Variants in PEX7 observed in about 807,000 individuals in gnomAD.
PEX7 encodes the protein peroxisomal biogenesis factor 7.
Under a neutral mutation model 47.5 loss-of-function variants are expected in PEX7, and 34 were observed. The ratio of observed to expected loss-of-function variants is 0.72; its 90% CI spans 0.54 to 0.95. The LOEUF is 0.95. PEX7 is among the 40% of genes least tolerant of loss of function. PEX7 has a pLI of 0.00. For missense variants in PEX7, 394 were observed against 400.3 expected, an observed-to-expected ratio of 0.98 and a Z score of 0.13; for synonymous variants, 141 against 148.8, an observed-to-expected ratio of 0.95 and a Z score of 0.38.
chr6:136,888,520 A>T (rs1775505323), intron 8 of PEX7, among the ~76,000 whole-genome samples: 1 of 152,118 alleles, frequency 6.6e-6, no homozygotes, highest in Non-Finnish European at 1.5e-5. Context: ...AAGCATCTTA[A>T]TGTAGTCATC....
At chr6:136,845,542 ATG>A in intron 3 of PEX7, 71 bp from the exon 4 acceptor site, 2 of 847,688 alleles carry the variant, frequency 2.4e-6, no homozygotes, top group East Asian at 2.4e-5. Flanking sequence ...TCTCATTGTT[ATG>A]TAACAAGAGA....
At chr6:136,860,691 G>A (rs1189910088) in intron 5 of PEX7, among the ~76,000 whole-genome samples, 1 of 151,634 alleles carries the variant, frequency 6.6e-6, no homozygotes. Flanking sequence ...AAAGAAAGTG[G>A]TGGTGTGGAA....
intron 8 of PEX7, among the ~76,000 whole-genome samples, chr6:136,885,588 C>T (rs777082473): frequency 1.3e-5 from 2 of 152,124 alleles, no homozygotes; most frequent in Non-Finnish European, 2.9e-5. Flanking sequence ...GGCATATTTA[C>T]AGAATGTCTG....
chr6:136,837,087 A>G (rs968423479), intron 3 of PEX7, among the ~76,000 whole-genome samples: 1 of 152,150 alleles, frequency 6.6e-6, no homozygotes, highest in African/African-American at 2.4e-5. Flanking sequence ...TGAAAGTTTT[A>G]GCCGCGCTTA....
rs150576107 is a variant in PEX7, at chr6:136,850,640, G to C, written c.526+4459G>C. Among the ~76,000 whole-genome samples, 5 of 152,286 alleles carry C rather than the reference G, an allele frequency of 3.3e-5. No individual in the cohort carries two copies. In the East Asian group the frequency reaches 9.6e-4, roughly 29 times the overall value. On this transcript the variant is annotated intron_variant, in intron 5 of 9. Coordinates refer to ENST00000318471, the MANE Select transcript of PEX7 (RefSeq NM_000288.4). ...CAAGGACAAATTCATGGATGGTAAT[G>C]TTATAACTGAGATATGATACATGTT...
intron 9 of PEX7, among the ~76,000 whole-genome samples, chr6:136,899,140 G>T (rs1293378380): frequency 7.1e-6 from 1 of 140,890 alleles, no homozygotes; most frequent in Non-Finnish European, 1.5e-5. Flanking sequence ...GAGTGCAGTG[G>T]TGCAATCTTG....
intron 6 of PEX7, among the ~76,000 whole-genome samples, chr6:136,867,718 A>G (rs1243774127): frequency 2.0e-5 from 3 of 152,022 alleles, no homozygotes; most frequent in African/African-American, 7.2e-5. Context: ...CAGAGGCTGC[A>G]GTGAGCCAAG....
intron 9 of PEX7, among the ~76,000 whole-genome samples, chr6:136,912,694 G>C (rs1212441727): frequency 1.3e-5 from 2 of 152,108 alleles, no homozygotes; most frequent in African/African-American, 4.8e-5. Flanking sequence ...TTTTGGCTAA[G>C]TCCTGGCATT....
At chr6:136,875,467 A>C (rs1360902513) in intron 8 of PEX7, among the ~76,000 whole-genome samples, 1 of 152,246 alleles carries the variant, frequency 6.6e-6, no homozygotes, top group Non-Finnish European at 1.5e-5. Flanking sequence ...AACTTAAAAA[A>C]ATTTGTTAAT....
chr6:136,910,678 C>A (rs1775919272), intron 9 of PEX7, among the ~76,000 whole-genome samples: 1 of 152,040 alleles, frequency 6.6e-6, no homozygotes, highest in Non-Finnish European at 1.5e-5. Flanking sequence ...TAGTGATAGC[C>A]AAGAAATTAC....
chr6:136,834,008 A>C (rs181037077), intron 3 of PEX7, among the ~76,000 whole-genome samples: 2 of 152,336 alleles, frequency 1.3e-5, no homozygotes, highest in Admixed American at 1.3e-4. Flanking sequence ...GTAAATTAAA[A>C]AACAACAACA....
At chr6:136,841,373 A>G (rs1310751955) in intron 3 of PEX7, among the ~76,000 whole-genome samples, 1 of 152,166 alleles carries the variant, frequency 6.6e-6, no homozygotes, top group Non-Finnish European at 1.5e-5. Flanking sequence ...CCTTGGTGTT[A>G]TCTTGCAGTG....
At chr6:136,892,172 G>A (rs765414469) in intron 8 of PEX7, among the ~76,000 whole-genome samples, 1 of 152,176 alleles carries the variant, frequency 6.6e-6, no homozygotes, top group Non-Finnish European at 1.5e-5. Flanking sequence ...TAGTTCAGAT[G>A]TATTCTGGCT....
At chr6:136,903,709 G>A (rs1015510347) in intron 9 of PEX7, among the ~76,000 whole-genome samples, 1 of 151,930 alleles carries the variant, frequency 6.6e-6, no homozygotes, top group African/African-American at 2.4e-5. Context: ...CACACAGGCT[G>A]GAATGCAGTG....
chr6:136,835,899 A>G (rs998975301), intron 3 of PEX7, among the ~76,000 whole-genome samples: 1 of 152,256 alleles, frequency 6.6e-6, no homozygotes, highest in Non-Finnish European at 1.5e-5. Context: ...AGAGAAAATG[A>G]TAGTTTTAAA....
At chr6:136,883,479 C>T (rs1420465893) in intron 8 of PEX7, among the ~76,000 whole-genome samples, 1 of 152,190 alleles carries the variant, frequency 6.6e-6, no homozygotes, top group Non-Finnish European at 1.5e-5. Flanking sequence ...TCTGGAAACT[C>T]CTTATCCTAA....
intron 2 of PEX7, among the ~76,000 whole-genome samples, chr6:136,825,871 C>T (rs1774180326): frequency 6.6e-6 from 1 of 152,038 alleles, no homozygotes; most frequent in African/African-American, 2.4e-5. Context: ...GTCCCAGCTA[C>T]TTGGGAAGCT....
At chr6:136,873,754 G>A (rs1449331904) in intron 8 of PEX7, among the ~76,000 whole-genome samples, 6 of 152,116 alleles carry the variant, frequency 3.9e-5, no homozygotes, top group Non-Finnish European at 7.4e-5. Context: ...TGACTTTAAT[G>A]CAAATTATAT....
intron 1 of PEX7, among the ~76,000 whole-genome samples, chr6:136,823,796 A>C (rs1181231686): frequency 6.6e-6 from 1 of 152,106 alleles, no homozygotes; most frequent in Non-Finnish European, 1.5e-5. Flanking sequence ...AGGCTGAGGT[A>C]AGAGAATAGT....
Sources: allele counts gnomAD v4.1 joint callset (sites outside exome capture counted in the v4.1 genomes callset), GRCh38; gene constraint gnomAD v4.1.1; transcripts MANE v1.5; gene names NCBI Gene and HGNC (gene_info 2026-07-23, HGNC 2026-07-21).